The following CDH13 variants were observed in gnomAD, a reference collection of about 807,000 sequenced individuals.
The protein encoded by CDH13 is cadherin 13, also known as cadherin-13.
Under a neutral mutation model 63.8 loss-of-function variants are expected in CDH13, and 24 were observed. That is an observed-to-expected ratio of 0.38 (90% CI 0.27 to 0.53). CDH13 has a LOEUF of 0.53. CDH13 is among the 20% of genes least tolerant of loss of function. The pLI is 0.85. For missense variants in CDH13, 1,049 were observed against 903.1 expected (o/e 1.16, Z -2.07); for synonymous variants, 503 against 355.3 (o/e 1.42, Z -4.67).
intron 1 of CDH13, among the ~76,000 whole-genome samples, chr16:82,751,142 A>G (rs1321665399): frequency 1.3e-5 from 2 of 152,176 alleles, no homozygotes; most frequent in Non-Finnish European, 2.9e-5. Flanking sequence ...GGAAAGCCAG[A>G]TGTGTACCAG....
intron 12 of CDH13, among the ~76,000 whole-genome samples, chr16:83,783,013 G>T (rs1915635395): frequency 6.6e-6 from 1 of 152,166 alleles, no homozygotes; most frequent in Non-Finnish European, 1.5e-5. Flanking sequence ...CTCTGTCTCT[G>T]TGTTGTTCAT....
chr16:82,832,064 C>T (rs1431223011), intron 1 of CDH13, among the ~76,000 whole-genome samples: 2 of 152,172 alleles, frequency 1.3e-5, no homozygotes, highest in Non-Finnish European at 1.5e-5. Flanking sequence ...CCTCGACCTT[C>T]TGTGTGACCC....
chr16:82,842,285 C>T (rs1449006511), intron 1 of CDH13, among the ~76,000 whole-genome samples: 1 of 151,384 alleles, frequency 6.6e-6, no homozygotes, highest in African/African-American at 2.4e-5. Flanking sequence ...CAGGGTAGCT[C>T]AGTCTTGAGA....
chr16:82,815,758 C>T (rs902108215), intron 1 of CDH13, among the ~76,000 whole-genome samples: 26 of 152,208 alleles, frequency 1.7e-4, no homozygotes, highest in African/African-American at 6.0e-4. Context: ...GTGTGTTGTC[C>T]ACCCATTATA....
chr16:83,055,232 C>G (rs543174209), intron 3 of CDH13, among the ~76,000 whole-genome samples: 1 of 151,358 alleles, frequency 6.6e-6, no homozygotes, highest in Non-Finnish European at 1.5e-5. Flanking sequence ...TCAGAGAACA[C>G]CAAATTTAAC....
At chr16:83,038,672 A>T (rs1188797025) in intron 3 of CDH13, among the ~76,000 whole-genome samples, 1 of 152,216 alleles carries the variant, frequency 6.6e-6, no homozygotes, top group African/African-American at 2.4e-5. Flanking sequence ...GTGTGCACAC[A>T]TGCGTGTTCG....
At chr16:83,014,828 TTG>T (rs1914584016) in intron 2 of CDH13, among the ~76,000 whole-genome samples, 1 of 87,814 alleles carries the variant, frequency 1.1e-5, no homozygotes, top group Non-Finnish European at 2.1e-5. Context: ...ATATATATAT[TTG>T]TATATATATT....
At chr16:83,142,078 T>C (rs566006715) in intron 4 of CDH13, among the ~76,000 whole-genome samples, 102 of 152,224 alleles carry the variant, frequency 6.7e-4, no homozygotes, top group Middle Eastern at 6.8e-3. Flanking sequence ...ACAACGGATA[T>C]AACCGAAACG....
At chr16:82,917,577 T>C (rs1207042841) in intron 2 of CDH13, among the ~76,000 whole-genome samples, 1 of 152,076 alleles carries the variant, frequency 6.6e-6, no homozygotes, top group Non-Finnish European at 1.5e-5. Context: ...AAGAAGCGTA[T>C]TGTGACAAAA....
At chr16:83,216,240 T>G (rs1198734746) in intron 4 of CDH13, among the ~76,000 whole-genome samples, 2 of 151,018 alleles carry the variant, frequency 1.3e-5, no homozygotes, top group African/African-American at 4.9e-5. Flanking sequence ...CAGTGTTGTA[T>G]GTTGTATTGC....
chr16:82,724,704 G>T (rs1281222942), intron 1 of CDH13, among the ~76,000 whole-genome samples: 1 of 152,202 alleles, frequency 6.6e-6, no homozygotes, highest in South Asian at 2.1e-4. Context: ...TTGGAAAGGT[G>T]CTGTGCAAAG....
At chr16:82,694,722 A>G (rs1302568836) in intron 1 of CDH13, among the ~76,000 whole-genome samples, 3 of 152,250 alleles carry the variant, frequency 2.0e-5, no homozygotes, top group Non-Finnish European at 4.4e-5. Context: ...AACCACCAGT[A>G]TGATTCACCC....
intron 8 of CDH13, chr16:83,655,283 C>A (rs1205434043): frequency 6.6e-6 from 1 of 152,232 alleles, no homozygotes; most frequent in Admixed American, 6.5e-5. Flanking sequence ...GTTTGATCTG[C>A]ACTTGTTCAT....
intron 8 of CDH13, among the ~76,000 whole-genome samples, chr16:83,653,633 G>A (rs1030560090): frequency 1.1e-4 from 16 of 152,178 alleles, no homozygotes; most frequent in Admixed American, 1.3e-4. Context: ...GAGTTGACAG[G>A]AAACAGAACC....
intron 2 of CDH13, among the ~76,000 whole-genome samples, chr16:82,916,497 C>A (rs900746636): frequency 3.9e-5 from 6 of 152,032 alleles, no homozygotes. Flanking sequence ...TCGTTTGAAT[C>A]TGGGAGTTGG....
chr16:82,868,994 C>T lies in CDH13; in HGVS notation c.157+10521C>T, dbSNP rs115101691. On this transcript the variant is annotated intron_variant, in intron 2 of 13. Coordinates refer to ENST00000567109, the MANE Select transcript of CDH13 (RefSeq NM_001257.5). ...TTATAATGGCAGCAATCTCAACAGTCTGTTTTGAGGGCTAAATATTAATCT... is the reference window on the plus strand; with the variant it reads ...TTATAATGGCAGCAATCTCAACAGTTTGTTTTGAGGGCTAAATATTAATCT... Among the ~76,000 whole-genome samples the T allele has an allele frequency of 9.2e-3, 1,402 of 152,274 alleles. 24 individuals are homozygous for T. The highest frequency in any genetic ancestry group is 0.032 in the African/African-American group (1,326 of 41,554).
At chr16:82,786,435 GTT>G (rs36019455) in intron 1 of CDH13, among the ~76,000 whole-genome samples, 29,325 of 117,836 alleles carry the variant, frequency 0.25, 3,206 homozygotes, top group Non-Finnish European at 0.31. Context: ...TCAGAAAACA[GTT>G]TTTTTTTTTT....
chr16:83,354,248 G>A (rs1370776203), intron 6 of CDH13, among the ~76,000 whole-genome samples: 1 of 152,240 alleles, frequency 6.6e-6, no homozygotes, highest in Non-Finnish European at 1.5e-5. Context: ...AGGATCCACT[G>A]TGAATAGCCC....
intron 3 of CDH13, among the ~76,000 whole-genome samples, chr16:83,076,636 C>G (rs545296591): frequency 9.7e-5 from 13 of 133,682 alleles, no homozygotes; most frequent in Non-Finnish European, 4.9e-5. Flanking sequence ...ATATACACAT[C>G]ACACACACAC....
Sources: allele counts gnomAD v4.1 joint callset (sites outside exome capture counted in the v4.1 genomes callset), GRCh38; gene constraint gnomAD v4.1.1; transcripts MANE v1.5; gene names NCBI Gene and HGNC (gene_info 2026-07-23, HGNC 2026-07-21).